AGXT2: variants seen among roughly 807,000 people sequenced by gnomAD.
AGXT2 encodes the protein alanine--glyoxylate aminotransferase 2, also known as alanine--glyoxylate aminotransferase 2, mitochondrial.
AGXT2 carries 61 observed loss-of-function variants against 62.5 expected under a neutral mutation model. The ratio of observed to expected loss-of-function variants is 0.98; its 90% CI spans 0.79 to 1.21. AGXT2 has a LOEUF of 1.21. Ranked by LOEUF, AGXT2 falls within the 50% of genes most tolerant of loss-of-function variation. The pLI is 0.00. For synonymous variants in AGXT2, 243 were observed against 218.7 expected, an observed-to-expected ratio of 1.11 and a Z score of -0.98; for missense variants, 666 against 641.5, an observed-to-expected ratio of 1.04 and a Z score of -0.41.
At chr5:35,032,452 T>C (rs1767603063) in intron 7 of AGXT2, among the ~76,000 whole-genome samples, 1 of 152,212 alleles carries the variant, frequency 6.6e-6, no homozygotes, top group African/African-American at 2.4e-5. Context: ...TAGAATGCCT[T>C]GAATCAAGTA....
Position 35,003,820 on chromosome 5 carries a change from G to A in AGXT2, c.1380C>T (p.Ile460=). 2 of 1,614,146 alleles carry A rather than the reference G, an allele frequency of 1.2e-6. No individual in the cohort carries two copies. The change falls in exon 13 of 14, where the codon ATC becomes ATT. Residue 460 remains isoleucine, a synonymous_variant. Coordinates refer to ENST00000231420, the MANE Select transcript of AGXT2 (RefSeq NM_031900.4). ...RPLPREEVNQ[I]HEDCKHMGLL... is the part of the protein sequence containing the mutation. ...GTCCCATGTGCTTGCAGTCCTCATGGATCTGATTTACTTCTTCACGGGGAA... is the reference window on the plus strand; with the variant it reads ...GTCCCATGTGCTTGCAGTCCTCATGAATCTGATTTACTTCTTCACGGGGAA...
intron 13 of AGXT2, among the ~76,000 whole-genome samples, chr5:35,000,321 G>A (rs1381339202): frequency 2.6e-5 from 4 of 151,856 alleles, no homozygotes; most frequent in South Asian, 2.1e-4. Context: ...ACCTGTCCAC[G>A]CTTTCTGCCT....
At chr5:35,018,907 A>G (rs1283124655) in intron 9 of AGXT2, among the ~76,000 whole-genome samples, 29 of 145,002 alleles carry the variant, frequency 2.0e-4, no homozygotes, top group African/African-American at 7.8e-4. Context: ...AAACAAAAAA[A>G]GGCAGGGGTT....
intron 1 of AGXT2, among the ~76,000 whole-genome samples, chr5:35,046,045 G>A (rs1031660759): frequency 4.6e-5 from 7 of 152,278 alleles, no homozygotes; most frequent in Admixed American, 3.9e-4. Flanking sequence ...GGGATTAGAG[G>A]TGTGAGCCAC....
chr5:35,029,604 C>T (rs764950337), intron 7 of AGXT2, among the ~76,000 whole-genome samples: 39 of 152,200 alleles, frequency 2.6e-4, no homozygotes, highest in Middle Eastern at 3.4e-3. Context: ...AACAGGATGA[C>T]GAAGGAAGAA....
rs572370950 is a variant in AGXT2, at chr5:35,000,452, C to T, written c.1438-1626G>A. On this transcript the variant is annotated intron_variant, in intron 13 of 13. Coordinates refer to ENST00000231420, the MANE Select transcript of AGXT2 (RefSeq NM_031900.4). ...CTGGAGTGCAGTGGCACAATCTCGGCTCACTGCAACCTCCGCCTCCCAGGT... is the reference window on the plus strand; with the variant it reads ...CTGGAGTGCAGTGGCACAATCTCGGTTCACTGCAACCTCCGCCTCCCAGGT... Among the ~76,000 whole-genome samples, 4 of 152,332 alleles carry T rather than the reference C, an allele frequency of 2.6e-5. No homozygotes were observed. The South Asian group carries it at 8.3e-4, about 32-fold the overall frequency.
intron 6 of AGXT2, 84 bp from the exon 7 acceptor site, chr5:35,032,909 A>C: frequency 1.8e-6 from 2 of 1,101,996 alleles, no homozygotes; most frequent in Non-Finnish European, 2.7e-6. Flanking sequence ...CATCAAGACA[A>C]GAGGGCTTCT....
chr5:35,016,169 A>G (rs1311393266), intron 9 of AGXT2, among the ~76,000 whole-genome samples: 1 of 152,164 alleles, frequency 6.6e-6, no homozygotes, highest in Non-Finnish European at 1.5e-5. Context: ...TTTTCACTCC[A>G]TCTAAATACC....
chr5:35,035,389 G>A (rs1208487082), intron 4 of AGXT2, 73 bp from the exon 5 acceptor site: 2 of 1,296,780 alleles, frequency 1.5e-6, no homozygotes, highest in African/African-American at 2.9e-5. Context: ...ATTGCTGAAG[G>A]GCAGGTGTCC....
At chr5:35,047,189 A>C (rs952487204) in intron 1 of AGXT2, among the ~76,000 whole-genome samples, 1 of 152,244 alleles carries the variant, frequency 6.6e-6, no homozygotes, top group Non-Finnish European at 1.5e-5. Context: ...CTGCAATCCG[A>C]GCACTTTGAA....
intron 5 of AGXT2, among the ~76,000 whole-genome samples, chr5:35,034,950 G>C (rs1227997571): frequency 6.6e-6 from 1 of 152,082 alleles, no homozygotes; most frequent in Non-Finnish European, 1.5e-5. Flanking sequence ...CTGTCATGTG[G>C]GTTTCTCTTA....
At chr5:35,005,685 G>T (rs1766393986) in intron 12 of AGXT2, among the ~76,000 whole-genome samples, 2 of 151,102 alleles carry the variant, frequency 1.3e-5, no homozygotes, top group South Asian at 4.2e-4. Flanking sequence ...AAAAAAGCAG[G>T]GTCTGAAACT....
intron 3 of AGXT2, 70 bp from the exon 4 acceptor site, chr5:35,037,135 G>A: frequency 6.2e-7 from 1 of 1,606,852 alleles, no homozygotes; most frequent in Non-Finnish European, 8.5e-7. Flanking sequence ...CCTGGTCATT[G>A]GACCCAAATA....
chr5:35,008,738 C>T (rs1766519210), intron 12 of AGXT2, among the ~76,000 whole-genome samples: 1 of 152,178 alleles, frequency 6.6e-6, no homozygotes. Flanking sequence ...ATTGAAGAGT[C>T]TTATACCATG....
At chr5:35,024,185 G>C (rs116355103) in intron 9 of AGXT2, among the ~76,000 whole-genome samples, 1 of 152,108 alleles carries the variant, frequency 6.6e-6, no homozygotes, top group African/African-American at 2.4e-5. Flanking sequence ...GAGCCACTGC[G>C]CCCAACCTAG....
chr5:35,035,365 C>G (rs778258086), intron 4 of AGXT2, 49 bp from the exon 5 acceptor site: 1 of 1,517,054 alleles, frequency 6.6e-7, no homozygotes, highest in Admixed American at 1.7e-5. Context: ...TTCCTTATTA[C>G]CCATTCACTT....
intron 1 of AGXT2, among the ~76,000 whole-genome samples, chr5:35,044,147 T>C (rs1466240847): frequency 6.6e-6 from 1 of 152,202 alleles, no homozygotes; most frequent in Admixed American, 6.5e-5. Flanking sequence ...CAGTGACAGA[T>C]GGAATTCGAG....
At chr5:35,023,113 A>G (rs1431789772) in intron 9 of AGXT2, among the ~76,000 whole-genome samples, 1 of 148,466 alleles carries the variant, frequency 6.7e-6, no homozygotes, top group Non-Finnish European at 1.5e-5. Context: ...GGTTTCACAT[A>G]TTCTTTGTCT....
At chr5:35,001,256 G>T (rs1766217763) in intron 13 of AGXT2, among the ~76,000 whole-genome samples, 1 of 152,162 alleles carries the variant, frequency 6.6e-6, no homozygotes, top group Non-Finnish European at 1.5e-5. Context: ...ACTCATTCTT[G>T]CCCACTCCAA....
Sources: allele counts gnomAD v4.1 joint callset (sites outside exome capture counted in the v4.1 genomes callset), GRCh38; gene constraint gnomAD v4.1.1; transcripts MANE v1.5; gene names NCBI Gene and HGNC (gene_info 2026-07-23, HGNC 2026-07-21).